Variants in TRIM5 observed in about 807,000 individuals in gnomAD.
TRIM5 encodes the protein tripartite motif-containing protein 5.
A neutral mutation model predicts 35.6 loss-of-function variants in TRIM5; 31 were observed. The ratio of observed to expected loss-of-function variants is 0.87; its 90% confidence interval spans 0.65 to 1.18. The LOEUF is 1.18. Ranked by LOEUF, TRIM5 falls within the 50% of genes most tolerant of loss-of-function variation. The pLI is 0.00. For synonymous variants in TRIM5, 243 were observed against 215.6 expected, an observed-to-expected ratio of 1.13 and a Z score of -1.11; for missense variants, 609 against 591.6, an observed-to-expected ratio of 1.03 and a Z score of -0.31.
rs1207134913 is a variant in TRIM5, at chr11:5,665,070, T to C, written c.1221A>G (p.Gly407=). 2 of 1,613,988 alleles carry C rather than the reference T, an allele frequency of 1.2e-6. No individual in the cohort carries two copies. Among genetic ancestry groups the C allele is most frequent in the South Asian group, 2.2e-5 (2 of 91,082 alleles). The stretch of plus-strand genomic sequence containing the variant: ...TATCCTGGAAAGCACTACATTTAAC[T>C]CCTTCCTCTAACCCTATAACCCAGT... The part of the protein sequence containing the change: ...YGYWVIGLEE[G]VKCSAFQDSS... Residue 407 remains glycine, a synonymous_variant, in exon 8 of 8, where the codon GGA becomes GGG. Transcript: ENST00000380034.
At chr11:5,601,378 T>C in the TRIM5 span, among the ~76,000 whole-genome samples, 2 of 152,224 alleles carry the variant, frequency 1.3e-5, no homozygotes. Flanking sequence ...CTCTTATTTA[T>C]GCAGAGTTGT....
the TRIM5 span, chr11:5,605,278 A>C: frequency 6.2e-7 from 1 of 1,609,824 alleles, no homozygotes; most frequent in Non-Finnish European, 8.5e-7. Flanking sequence ...CCCGCTTTTA[A>C]TAGAGGAGAC....
the TRIM5 span, among the ~76,000 whole-genome samples, chr11:5,601,047 G>A: frequency 1.3e-5 from 2 of 152,176 alleles, no homozygotes; most frequent in African/African-American, 4.8e-5. Context: ...TCTCAATGAA[G>A]ATATAAGGTC....
chr11:5,604,480 G>A, the TRIM5 span: 13 of 1,571,700 alleles, frequency 8.3e-6, no homozygotes, highest in Non-Finnish European at 1.1e-5. Context: ...CTATGTCTGG[G>A]TACTGAGTCA....
chr11:5,589,212 T>C, the TRIM5 span: 1 of 151,976 alleles, frequency 6.6e-6, no homozygotes, highest in Non-Finnish European at 1.5e-5. Context: ...AAATAGTCAC[T>C]GTAGATGGAA....
the TRIM5 span, among the ~76,000 whole-genome samples, chr11:5,627,820 A>G: frequency 4.6e-5 from 7 of 152,336 alleles, no homozygotes; most frequent in African/African-American, 1.7e-4. Context: ...AGTGTCTAGG[A>G]TATTGTCTAG....
At chr11:5,645,959 T>G in the TRIM5 span, 1 of 144,002 alleles carries the variant, frequency 6.9e-6, no homozygotes, top group African/African-American at 2.6e-5. Flanking sequence ...AAATGTATAT[T>G]AATATGTGTA....
chr11:5,673,565 A>T (rs1188673656), intron 4 of TRIM5, among the ~76,000 whole-genome samples: 1 of 152,188 alleles, frequency 6.6e-6, no homozygotes, highest in Non-Finnish European at 1.5e-5. Flanking sequence ...TAACACTATC[A>T]GTTAGCTTGA....
At chr11:5,682,089 G>A (rs970381978) in intron 1 of TRIM5, among the ~76,000 whole-genome samples, 5 of 151,998 alleles carry the variant, frequency 3.3e-5, no homozygotes, top group African/African-American at 9.7e-5. Flanking sequence ...GAGCCACCGT[G>A]CCCGGCTTCA....
chr11:5,627,680 TG>T, the TRIM5 span, among the ~76,000 whole-genome samples: 2 of 152,130 alleles, frequency 1.3e-5, no homozygotes, highest in Non-Finnish European at 2.9e-5. Context: ...AAGGAGTAGC[TG>T]AAGCAAGAAC....
chr11:5,619,461 C>G, the TRIM5 span, among the ~76,000 whole-genome samples: 1 of 151,516 alleles, frequency 6.6e-6, no homozygotes, highest in African/African-American at 2.4e-5. Flanking sequence ...TTCTTTTACT[C>G]TCTCTCTGCC....
chr11:5,610,138 T>A, the TRIM5 span: 1 of 1,613,880 alleles, frequency 6.2e-7, no homozygotes, highest in Admixed American at 1.7e-5. Flanking sequence ...AGTCCTGTCC[T>A]TTCTAGGAGT....
the TRIM5 span, chr11:5,596,522 C>CCCCCCTTCCCCCTTCCCCCTT: frequency 3.4e-5 from 1 of 29,276 alleles, no homozygotes; most frequent in African/African-American, 1.0e-4. Flanking sequence ...TTCTCCCCTT[C>CCCCCCTTCCCCCTTCCCCCTT]CCCCCTTCCC....
downstream of TRIM5, among the ~76,000 whole-genome samples, chr11:5,660,138 G>A (rs1188560607): frequency 6.6e-6 from 1 of 151,918 alleles, no homozygotes. Context: ...CACCATGCCC[G>A]GCTAATTTTT....
At chr11:5,604,328 C>T in the TRIM5 span, among the ~76,000 whole-genome samples, 3 of 152,100 alleles carry the variant, frequency 2.0e-5, no homozygotes, top group African/African-American at 7.2e-5. Flanking sequence ...AGGCACCTTC[C>T]CAAGGGGGAT....
the TRIM5 span, among the ~76,000 whole-genome samples, chr11:5,625,861 T>C: frequency 6.6e-6 from 1 of 152,262 alleles, no homozygotes; most frequent in African/African-American, 2.4e-5. Flanking sequence ...ATTTGTAACC[T>C]CAATTTGTTA....
At chr11:5,670,170 CTTTTTTTTTTTT>C (rs3060972) in intron 4 of TRIM5, among the ~76,000 whole-genome samples, 4 of 60,232 alleles carry the variant, frequency 6.6e-5, no homozygotes, top group Admixed American at 2.8e-4. Flanking sequence ...AGATGCCCAT[CTTTTTTTTTTTT>C]TTTTTTTTTT....
chr11:5,664,636 G>A lies in TRIM5; in HGVS notation c.*173C>T. 1 of 1,350,004 alleles carries A rather than the reference G, an allele frequency of 7.4e-7. No homozygotes were observed. The allele number at this position is 1,350,004 out of a possible 1,614,324, so 83.6% of individuals were successfully genotyped here. ...TATCAAATGTCAATAAAATATTGGG[G>A]ACAATATGGCACAAGGCAATTATTA... On this transcript the variant is annotated 3_prime_UTR_variant, in exon 8 of 8. Coordinates refer to ENST00000380034, the MANE Select transcript of TRIM5 (RefSeq NM_033034.3).
chr11:5,628,380 CCTT>C, the TRIM5 span, among the ~76,000 whole-genome samples: 1 of 152,336 alleles, frequency 6.6e-6, no homozygotes, highest in Middle Eastern at 3.4e-3. Context: ...CATATAAACT[CCTT>C]GTCTTACTAG....
Sources: allele counts gnomAD v4.1 joint callset (sites outside exome capture counted in the v4.1 genomes callset), GRCh38; gene constraint gnomAD v4.1.1; transcripts MANE v1.5; gene names NCBI Gene and HGNC (gene_info 2026-07-23, HGNC 2026-07-21).